Variants in BCKDHB observed in about 807,000 individuals in gnomAD.
The protein encoded by BCKDHB is 2-oxoisovalerate dehydrogenase subunit beta, mitochondrial.
Under a neutral mutation model 48.5 loss-of-function variants are expected in BCKDHB, and 41 were observed. That is an observed-to-expected ratio of 0.85 (90% CI 0.66 to 1.10). The LOEUF (loss-of-function observed/expected upper bound fraction) is 1.10, where lower values mean the gene tolerates loss of function less well. Among genes scored for constraint, BCKDHB ranks in the 50% least tolerant of loss-of-function variants. The pLI, the probability that BCKDHB is intolerant of heterozygous loss-of-function variation, is 0.00. For synonymous variants in BCKDHB, 201 were observed against 174.8 expected (o/e 1.15, Z -1.18); for missense variants, 496 against 494.2 (o/e 1.00, Z -0.03).
chr6:80,348,106 AT>A (rs201295074), downstream of BCKDHB, among the ~76,000 whole-genome samples: 7 of 151,618 alleles, frequency 4.6e-5, no homozygotes, highest in Admixed American at 3.3e-4. Context: ...ACCTGTGTAC[AT>A]TTTAAAAAAA....
intron 9 of BCKDHB, among the ~76,000 whole-genome samples, chr6:80,301,291 A>G (rs1210776416): frequency 6.6e-6 from 1 of 152,194 alleles, no homozygotes; most frequent in African/African-American, 2.4e-5. Flanking sequence ...AACACTAGCT[A>G]GATTAACAAA....
rs890965734 is a variant in BCKDHB at position 80,343,931 on chromosome 6, G to T, written c.*127G>T. On this transcript the variant is annotated 3_prime_UTR_variant, in exon 10 of 10. Coordinates refer to ENST00000320393, the MANE Select transcript of BCKDHB (RefSeq NM_183050.4). ...AACTTTGATGGTAAAGTTGGTAAAA[G>T]GCAACTTTCAGAAGAAAATAATGTG... 6.7e-6 allele frequency: 8 copies of T among 1,187,980 alleles called. No individual in the cohort carries two copies. Among genetic ancestry groups the T allele is most frequent in the Non-Finnish European group, 9.9e-6 (8 of 805,094 alleles). 73.6% of individuals were successfully genotyped at this position (1,187,980 alleles called of 1,614,324 possible).
At chr6:80,399,892 C>CT in the BCKDHB span, among the ~76,000 whole-genome samples, 1 of 151,948 alleles carries the variant, frequency 6.6e-6, no homozygotes, top group Non-Finnish European at 1.5e-5. Context: ...GACATATTGA[C>CT]TAATGGAATA....
intron 8 of BCKDHB, among the ~76,000 whole-genome samples, chr6:80,205,200 C>T (rs1774586091): frequency 6.6e-6 from 1 of 151,894 alleles, no homozygotes; most frequent in Non-Finnish European, 1.5e-5. Context: ...AAGAAGAGGG[C>T]CCTATAACCA....
At chr6:80,250,254 G>A (rs1272555484) in intron 8 of BCKDHB, among the ~76,000 whole-genome samples, 1 of 115,826 alleles carries the variant, frequency 8.6e-6, no homozygotes, top group Non-Finnish European at 1.8e-5. Context: ...ACTTCTCACA[G>A]ATGAATCTTT....
At chr6:80,316,859 C>G (rs1768474101) in intron 9 of BCKDHB, among the ~76,000 whole-genome samples, 2 of 152,172 alleles carry the variant, frequency 1.3e-5, no homozygotes, top group South Asian at 4.1e-4. Context: ...TAGAAGCACC[C>G]AACAGTGTGG....
intron 1 of BCKDHB, among the ~76,000 whole-genome samples, chr6:80,122,990 A>G (rs1467949182): frequency 8.5e-6 from 1 of 117,466 alleles, no homozygotes; most frequent in Admixed American, 1.1e-4. Flanking sequence ...CCCCCCAGGA[A>G]TGCATTCCTT....
At chr6:80,154,891 G>A (rs1054321940) in intron 3 of BCKDHB, among the ~76,000 whole-genome samples, 1 of 152,054 alleles carries the variant, frequency 6.6e-6, no homozygotes, top group East Asian at 1.9e-4. Context: ...AGTGGATTAT[G>A]TAAAAACAGC....
chr6:80,461,544 C>T, the BCKDHB span, among the ~76,000 whole-genome samples: 1 of 152,084 alleles, frequency 6.6e-6, no homozygotes, highest in Non-Finnish European at 1.5e-5. Flanking sequence ...TGAAAACTCT[C>T]CCCAAATTTG....
intron 9 of BCKDHB, among the ~76,000 whole-genome samples, chr6:80,277,658 G>GTT (rs35644465): frequency 0.014 from 1,917 of 138,552 alleles, 26 homozygotes; most frequent in African/African-American, 0.048. Context: ...TAAGATTTGA[G>GTT]TTTTTTTTTT....
At chr6:80,387,945 C>T in the BCKDHB span, among the ~76,000 whole-genome samples, 1 of 152,212 alleles carries the variant, frequency 6.6e-6, no homozygotes, top group Non-Finnish European at 1.5e-5. Flanking sequence ...ATAAATCCAA[C>T]TAAAATTCAG....
At chr6:80,210,924 G>C (rs1354404120) in intron 8 of BCKDHB, among the ~76,000 whole-genome samples, 1 of 152,108 alleles carries the variant, frequency 6.6e-6, no homozygotes, top group African/African-American at 2.4e-5. Flanking sequence ...GTGAGCTGCC[G>C]TGTTAACAAA....
At chr6:80,427,163 G>T in the BCKDHB span, among the ~76,000 whole-genome samples, 1 of 151,616 alleles carries the variant, frequency 6.6e-6, no homozygotes, top group Non-Finnish European at 1.5e-5. Flanking sequence ...AGCTGTTTTA[G>T]CTTTCTTCTG....
intron 9 of BCKDHB, among the ~76,000 whole-genome samples, chr6:80,295,676 T>C (rs1383480173): frequency 6.6e-6 from 1 of 151,410 alleles, no homozygotes. Flanking sequence ...TATATTGTCA[T>C]AAGTTAAGAA....
At chr6:80,457,335 T>A in the BCKDHB span, among the ~76,000 whole-genome samples, 4 of 152,184 alleles carry the variant, frequency 2.6e-5, no homozygotes, top group African/African-American at 9.7e-5. Context: ...TATGGGAATT[T>A]AATGCTGACA....
intron 9 of BCKDHB, among the ~76,000 whole-genome samples, chr6:80,334,744 T>G (rs1362689988): frequency 2.0e-5 from 3 of 152,010 alleles, no homozygotes. Context: ...CTTTTTTATG[T>G]TTAGCAAGTC....
chr6:80,378,125 A>G, the BCKDHB span, among the ~76,000 whole-genome samples: 2 of 152,206 alleles, frequency 1.3e-5, no homozygotes, highest in Non-Finnish European at 2.9e-5. Flanking sequence ...TTCAGAGGAT[A>G]CATGTGCTTG....
At chr6:80,250,774 C>T (rs1374601527) in intron 8 of BCKDHB, among the ~76,000 whole-genome samples, 1 of 152,154 alleles carries the variant, frequency 6.6e-6, no homozygotes. Flanking sequence ...AGTGGATATA[C>T]AGCATGCTTA....
intron 6 of BCKDHB, among the ~76,000 whole-genome samples, chr6:80,188,865 G>A (rs749314473): frequency 6.6e-6 from 1 of 152,184 alleles, no homozygotes; most frequent in African/African-American, 2.4e-5. Context: ...CATTGATGGG[G>A]TGGTTCAGAT....
Sources: allele counts gnomAD v4.1 joint callset (sites outside exome capture counted in the v4.1 genomes callset), GRCh38; gene constraint gnomAD v4.1.1; transcripts MANE v1.5; gene names NCBI Gene and HGNC (gene_info 2026-07-23, HGNC 2026-07-21).